The following RAB10 variants were observed in gnomAD, a reference collection of about 807,000 sequenced individuals.
RAB10 encodes RAB10, member RAS oncogene family.
RAB10 carries 5 observed loss-of-function variants against 25.7 expected under a neutral mutation model. The ratio of observed to expected loss-of-function variants is 0.19; its 90% CI spans 0.10 to 0.41. The LOEUF (loss-of-function observed/expected upper bound fraction) is 0.41. RAB10 is among the 10% of genes least tolerant of loss of function. RAB10 has a pLI of 1.00. For synonymous variants in RAB10, 89 were observed against 86.4 expected (o/e 1.03, Z -0.16); for missense variants, 103 against 245.8 (o/e 0.42, Z 3.89).
At chr2:26,076,068 TAG>T (rs1328581148) in intron 1 of RAB10, among the ~76,000 whole-genome samples, 4 of 151,968 alleles carry the variant, frequency 2.6e-5, no homozygotes, top group Admixed American at 2.6e-4. Flanking sequence ...GTAGCTAGAG[TAG>T]TATCCAGAAG....
chr2:26,130,675 ATGGCCTCAAGTGATCCTCTCACCC>A (rs1667996152), intron 5 of RAB10, among the ~76,000 whole-genome samples: 1 of 152,062 alleles, frequency 6.6e-6, no homozygotes, highest in Non-Finnish European at 1.5e-5. Flanking sequence ...TCTTGAACTC[ATGGCCTCAAGTGATCCTCTCACCC>A]TGGCCTCCTG....
At chr2:26,055,951 G>C (rs769842026) in intron 1 of RAB10, among the ~76,000 whole-genome samples, 2 of 151,776 alleles carry the variant, frequency 1.3e-5, no homozygotes, top group African/African-American at 2.4e-5. Context: ...GATGAGCGCA[G>C]TGGCACAATC....
At chr2:26,066,851 C>G (rs1169593204) in intron 1 of RAB10, among the ~76,000 whole-genome samples, 1 of 148,828 alleles carries the variant, frequency 6.7e-6, no homozygotes, top group Non-Finnish European at 1.5e-5. Flanking sequence ...GGCACAATCT[C>G]GGCTCACTGC....
intron 1 of RAB10, among the ~76,000 whole-genome samples, chr2:26,089,990 G>C (rs1667069281): frequency 6.6e-6 from 1 of 152,048 alleles, no homozygotes; most frequent in South Asian, 2.1e-4. Context: ...AGATCCTTTT[G>C]TTTTTCATAT....
At position 26,037,850 on chromosome 2, in the gene RAB10, C is replaced by T. The variant is rs561968018; in HGVS notation, c.127+3115C>T. Among the ~76,000 whole-genome samples the T allele has an allele frequency of 4.3e-4, 65 of 152,090 alleles. 2 individuals are homozygous for T. In the South Asian group the frequency reaches 0.013, roughly 30 times the overall value. ...TTTTATGGATTGAACATCCTGCACA[C>T]CGTGGTACCCAAGTATTTGTTGGTG... On this transcript the variant is annotated intron_variant, in intron 1 of 5. Coordinates refer to ENST00000264710, the MANE Select transcript of RAB10 (RefSeq NM_016131.5).
At chr2:26,092,605 G>A (rs1360065666) in intron 1 of RAB10, among the ~76,000 whole-genome samples, 3 of 152,086 alleles carry the variant, frequency 2.0e-5, no homozygotes, top group Non-Finnish European at 4.4e-5. Flanking sequence ...AGATTAAGTA[G>A]GTACCTGAAA....
chr2:26,103,131 G>C (rs923305712), intron 2 of RAB10, among the ~76,000 whole-genome samples: 3 of 152,186 alleles, frequency 2.0e-5, no homozygotes, highest in African/African-American at 7.2e-5. Flanking sequence ...AGGTCACTAA[G>C]CTGGGAGGGG....
At chr2:26,044,761 G>C (rs1665961046) in intron 1 of RAB10, among the ~76,000 whole-genome samples, 1 of 151,960 alleles carries the variant, frequency 6.6e-6, no homozygotes, top group Non-Finnish European at 1.5e-5. Context: ...GACCAGGCTG[G>C]TCTCAAACTC....
chr2:26,131,430 A>G (rs1668011501), intron 5 of RAB10, among the ~76,000 whole-genome samples: 1 of 152,154 alleles, frequency 6.6e-6, no homozygotes, highest in Non-Finnish European at 1.5e-5. Flanking sequence ...ATTTTTTTTC[A>G]TACACATCCA....
At chr2:26,121,131 C>T (rs184602071) in intron 3 of RAB10, among the ~76,000 whole-genome samples, 5 of 152,240 alleles carry the variant, frequency 3.3e-5, no homozygotes, top group Admixed American at 6.5e-5. Context: ...AGGCTGGTCT[C>T]GAACCCCTGA....
intron 1 of RAB10, among the ~76,000 whole-genome samples, chr2:26,097,228 CAAAA>C (rs1667241155): frequency 6.6e-6 from 1 of 151,814 alleles, no homozygotes; most frequent in African/African-American, 2.4e-5. Context: ...AACAAACAAA[CAAAA>C]AACCAGAAAA....
At position 26,127,969 on chromosome 2, in the gene RAB10, T is replaced by C; in HGVS notation, c.519+18T>C. The stretch of plus-strand genomic sequence containing the variant: ...TTCGAAAGGTAAGTTCCTGTTTTTA[T>C]ATCCTGCCAGGTACCTGAGTATCTC... On this transcript the variant is annotated intron_variant, in intron 5 of 5. Coordinates refer to ENST00000264710, the MANE Select transcript of RAB10 (RefSeq NM_016131.5). 1 of 1,533,472 alleles carries C rather than the reference T, an allele frequency of 6.5e-7. No homozygotes were observed. The highest frequency in any genetic ancestry group is 9.0e-7 in the Non-Finnish European group (1 of 1,106,664). The allele number at this position is 1,533,472 out of a possible 1,614,324, so 95.0% of individuals were successfully genotyped here. A position where few individuals can be genotyped will look rare whatever the true frequency, so the allele number is the denominator to read the frequency against.
chr2:26,042,218 TG>T (rs1411507458), intron 1 of RAB10, among the ~76,000 whole-genome samples: 1 of 152,184 alleles, frequency 6.6e-6, no homozygotes, highest in Non-Finnish European at 1.5e-5. Flanking sequence ...CTCGGCTCCA[TG>T]TAAGAAATCA....
At chr2:26,106,253 A>AAAGC in intron 2 of RAB10, among the ~76,000 whole-genome samples, 1 of 152,224 alleles carries the variant, frequency 6.6e-6, no homozygotes, top group Non-Finnish European at 1.5e-5. Flanking sequence ...TTATCCTAGT[A>AAAGC]TTTATATGGG....
chr2:26,033,485 CG>C (rs1428109300), upstream of RAB10, among the ~76,000 whole-genome samples: 2 of 152,250 alleles, frequency 1.3e-5, no homozygotes, highest in Non-Finnish European at 1.5e-5. Context: ...GAAGTCAATC[CG>C]GATGGAGCGC....
intron 1 of RAB10, among the ~76,000 whole-genome samples, chr2:26,068,192 G>C (rs1666552508): frequency 1.3e-5 from 2 of 152,134 alleles, no homozygotes; most frequent in South Asian, 4.1e-4. Context: ...CTTAGTAAAG[G>C]AGCTTTTTGA....
intron 3 of RAB10, among the ~76,000 whole-genome samples, chr2:26,114,316 A>G (rs1258608436): frequency 1.3e-5 from 2 of 152,164 alleles, no homozygotes; most frequent in Non-Finnish European, 2.9e-5. Context: ...CAGTTGTAAG[A>G]TTTATACTTT....
At chr2:26,069,524 G>T (rs935662134) in intron 1 of RAB10, among the ~76,000 whole-genome samples, 5 of 151,740 alleles carry the variant, frequency 3.3e-5, no homozygotes, top group Non-Finnish European at 7.4e-5. Flanking sequence ...AAATTAGCTG[G>T]GCATGGTGGT....
At chr2:26,033,979 TC>T, upstream of RAB10, 1 of 397,698 alleles carries the variant, frequency 2.5e-6, no homozygotes, top group Non-Finnish European at 4.4e-6. Flanking sequence ...ACAGGAGCAT[TC>T]CACTCGCCAC....
Sources: gnomAD v4.1 joint callset for allele counts (sites outside exome capture counted in the v4.1 genomes callset) on GRCh38, gnomAD v4.1.1 for gene constraint, MANE v1.5 for transcripts, NCBI Gene and HGNC (gene_info 2026-07-23, HGNC 2026-07-21) for gene names.